Variants in NOX3 observed in about 807,000 individuals in gnomAD.
NOX3 encodes NADPH oxidase 3, also known as NADPH oxidase catalytic subunit-like 3.
NOX3 carries 74 observed loss-of-function variants against 76.7 expected under a neutral mutation model. The observed-to-expected ratio is 0.96, with a 90% confidence interval of 0.80 to 1.17. The LOEUF (loss-of-function observed/expected upper bound fraction) is 1.17, where lower values mean the gene tolerates loss of function less well. Ranked by LOEUF, NOX3 falls within the 50% of genes most tolerant of loss-of-function variation. The probability of loss-of-function intolerance (pLI) is 0.00; values close to 1 mark genes in which losing one functional copy is unlikely to be tolerated. For synonymous variants in NOX3, 263 were observed against 261.1 expected (o/e 1.01, Z -0.07); for missense variants, 695 against 703.3 (o/e 0.99, Z 0.13).
chr6:155,426,836 T>C (rs1776760414), intron 9 of NOX3, among the ~76,000 whole-genome samples: 1 of 152,170 alleles, frequency 6.6e-6, no homozygotes, highest in Non-Finnish European at 1.5e-5. Flanking sequence ...GTTGAAATGC[T>C]ATCTGGTTTG....
intron 6 of NOX3, among the ~76,000 whole-genome samples, chr6:155,437,207 C>A (rs564756493): frequency 6.6e-6 from 1 of 152,184 alleles, no homozygotes; most frequent in Non-Finnish European, 1.5e-5. Flanking sequence ...TGAGTGCACT[C>A]CTGACTGACC....
rs149826203 is a variant in NOX3 at position 155,413,665 on chromosome 6, C to T, written c.1309-2305G>A. Among the ~76,000 whole-genome samples, 22 of 152,220 alleles carry T rather than the reference C, an allele frequency of 1.4e-4. No individual in the cohort carries two copies. In the South Asian group the frequency reaches 2.9e-3, roughly 20 times the overall value. Reference sequence around the variant, plus strand: ...TTAGCTTTCATTTTGCCTTGCTTTGCTCTGGGTGGAAATGAAAAATCTACT... The same window carrying T: ...TTAGCTTTCATTTTGCCTTGCTTTGTTCTGGGTGGAAATGAAAAATCTACT... On this transcript the variant is annotated intron_variant, in intron 10 of 13. Coordinates refer to ENST00000159060, the MANE Select transcript of NOX3 (RefSeq NM_015718.3).
intron 4 of NOX3, among the ~76,000 whole-genome samples, chr6:155,451,274 C>T (rs9480139): frequency 0.21 from 31,197 of 152,048 alleles, 3,177 homozygotes; most frequent in South Asian, 0.27. Flanking sequence ...CCACCACGCC[C>T]GGCCTGTATT....
At chr6:155,436,290 T>A (rs1776902225) in intron 7 of NOX3, 128 bp downstream of exon 7, 1 of 1,042,848 alleles carries the variant, frequency 9.6e-7, no homozygotes, top group South Asian at 1.4e-5. Context: ...ATTTCTCCAT[T>A]AGCACACTTA....
chr6:155,429,744 A>C (rs1305655280), intron 8 of NOX3, among the ~76,000 whole-genome samples: 1 of 152,204 alleles, frequency 6.6e-6, no homozygotes, highest in East Asian at 1.9e-4. Flanking sequence ...AAATCTCTCC[A>C]GGCCCTCCTG....
intron 4 of NOX3, among the ~76,000 whole-genome samples, chr6:155,450,504 G>T (rs145112277): frequency 6.6e-6 from 1 of 152,122 alleles, no homozygotes; most frequent in South Asian, 2.1e-4. Context: ...CCTCCTGTGC[G>T]CCAGGGACCA....
chr6:155,411,081 C>G, intron 11 of NOX3, 133 bp downstream of exon 11: 1 of 658,900 alleles, frequency 1.5e-6, no homozygotes, highest in Non-Finnish European at 2.3e-6. Flanking sequence ...ATTTTATTCT[C>G]CTTTCCCTTT....
intron 7 of NOX3, among the ~76,000 whole-genome samples, chr6:155,435,770 T>A (rs1207196586): frequency 1.3e-5 from 2 of 152,190 alleles, no homozygotes; most frequent in Non-Finnish European, 2.9e-5. Context: ...GAATATTACT[T>A]CTCTTTCCCT....
At chr6:155,406,585 A>C (rs1346714908) in intron 12 of NOX3, among the ~76,000 whole-genome samples, 1 of 152,218 alleles carries the variant, frequency 6.6e-6, no homozygotes, top group Non-Finnish European at 1.5e-5. Flanking sequence ...TTATCCTTGC[A>C]GACTCTTAGG....
Position 155,443,341 on chromosome 6 carries a change from C to G in NOX3, c.418G>C (p.Ala140Pro), listed in dbSNP as rs745855360. ...GTGTTGCCCAGCTTGGAAAGTGCGGCCAGAAGTCCCTGGGCCTCCTCGGAC... is the reference window on the plus strand; with the variant it reads ...GTGTTGCCCAGCTTGGAAAGTGCGGGCAGAAGTCCCTGGGCCTCCTCGGAC... ...SQSEEAQGLL[A>P]ALSKLGNTPN... is the part of the protein sequence containing the mutation. The change falls in exon 5 of 14, where the codon GCC becomes CCC. Residue 140 changes from alanine to proline, a missense_variant. Coordinates refer to ENST00000159060, the MANE Select transcript of NOX3 (RefSeq NM_015718.3). 6.2e-7 allele frequency: 1 copy of G among 1,614,050 alleles called. No homozygotes were observed. Among genetic ancestry groups the G allele is most frequent in the East Asian group, 2.2e-5 (1 of 44,874 alleles).
chr6:155,441,819 C>T (rs749515191), intron 5 of NOX3, among the ~76,000 whole-genome samples: 3 of 152,170 alleles, frequency 2.0e-5, no homozygotes, highest in Non-Finnish European at 4.4e-5. Context: ...GATTTTCCAG[C>T]GTCTTAGTGG....
chr6:155,436,348 A>C (rs1243024487), intron 7 of NOX3, 70 bp downstream of exon 7: 1 of 1,566,380 alleles, frequency 6.4e-7, no homozygotes, highest in Non-Finnish European at 8.8e-7. Context: ...TCTTTTTTCC[A>C]AGCCTATAAA....
chr6:155,431,006 A>T, intron 7 of NOX3, 71 bp from the exon 8 acceptor site: 1 of 970,528 alleles, frequency 1.0e-6, no homozygotes, highest in Non-Finnish European at 1.6e-6. Context: ...AATTTGAACC[A>T]AATCAATATA....
chr6:155,412,252 C>T (rs1047947535), intron 10 of NOX3, among the ~76,000 whole-genome samples: 1 of 152,102 alleles, frequency 6.6e-6, no homozygotes, highest in Non-Finnish European at 1.5e-5. Flanking sequence ...TAAATCCCCA[C>T]CTGGAAATAC....
chr6:155,428,829 C>G lies in NOX3; in HGVS notation c.1110G>C (p.Glu370Asp). Reference protein sequence around the residue: ...TAALLEAFGAEGQALQEPWSL... With the variant: ...TAALLEAFGADGQALQEPWSL... ...TCCAGGGCTCCTGGAGGGCCTGTCC[C>G]TCTGCCCCAAAGGCCTCCAGTAGCG... is the stretch of plus-strand genomic sequence containing the variant. The change falls in exon 9 of 14, where the codon GAG becomes GAC. Residue 370 changes from glutamate (E) to aspartate (D), a missense_variant. Physicochemically the swap from Glu to Asp is conservative, Grantham distance 45. Coordinates refer to ENST00000159060, the MANE Select transcript of NOX3 (RefSeq NM_015718.3). 1.3e-6 allele frequency: 2 copies of G among 1,563,064 alleles called. No homozygotes were observed. The highest frequency in any genetic ancestry group is 4.6e-5 in the East Asian group (2 of 43,698).
intron 9 of NOX3, among the ~76,000 whole-genome samples, chr6:155,423,504 T>A (rs1776716937): frequency 6.6e-6 from 1 of 152,182 alleles, no homozygotes; most frequent in African/African-American, 2.4e-5. Flanking sequence ...TAGCAAATTT[T>A]TCTTAATAAG....
rs867719625 is a variant in NOX3, at chr6:155,428,512, G to A, written c.1145+282C>T. 3.9e-5 allele frequency among the ~76,000 whole-genome samples: 6 copies of A among 152,062 alleles called. 1 individual carries two copies. The Middle Eastern group carries it at 0.014, about 345-fold the overall frequency. ...TTGCAGGCTGCATAGAAGTAACCAG[G>A]TGATGCTTTAGGACCTGGAAGAGAA... is the stretch of plus-strand genomic sequence containing the variant. On this transcript the variant is annotated intron_variant, in intron 9 of 13. Transcript: ENST00000159060.
At chr6:155,401,096 T>A (rs1262421801) in intron 12 of NOX3, among the ~76,000 whole-genome samples, 1 of 152,124 alleles carries the variant, frequency 6.6e-6, no homozygotes, top group Non-Finnish European at 1.5e-5. Flanking sequence ...AACCAAATAT[T>A]TTGCCAAACT....
intron 5 of NOX3, 72 bp downstream of exon 5, chr6:155,443,201 G>T: frequency 7.1e-7 from 1 of 1,400,930 alleles, no homozygotes; most frequent in Non-Finnish European, 9.7e-7. Flanking sequence ...TTTCAATATA[G>T]CGTTCCTGAT....
Sources: allele counts gnomAD v4.1 joint callset (sites outside exome capture counted in the v4.1 genomes callset), GRCh38; gene constraint gnomAD v4.1.1; transcripts MANE v1.5; gene names NCBI Gene and HGNC (gene_info 2026-07-23, HGNC 2026-07-21).